The following CDC14A variants were observed in gnomAD, a reference collection of about 807,000 sequenced individuals.
CDC14A encodes the protein dual specificity protein phosphatase CDC14A.
In CDC14A, 53 loss-of-function variants were observed where a neutral mutation model predicts 74.4. The observed-to-expected ratio is 0.71, with a 90% CI of 0.57 to 0.89. The LOEUF is 0.89. CDC14A is among the 40% of genes least tolerant of loss of function. CDC14A has a pLI of 0.00. For synonymous variants in CDC14A, 247 were observed against 258.4 expected (o/e 0.96, Z 0.43); for missense variants, 646 against 713.7 (o/e 0.91, Z 1.08).
intron 3 of CDC14A, chr1:100,383,778 TTAA>T (rs1469620844): frequency 1.2e-4 from 19 of 152,258 alleles, no homozygotes; most frequent in African/African-American, 4.3e-4. Context: ...CCAGGCTGCA[TTAA>T]TGTCTTCCTT....
chr1:100,413,245 T>C (rs1182081702), intron 4 of CDC14A, among the ~76,000 whole-genome samples: 1 of 152,152 alleles, frequency 6.6e-6, no homozygotes, highest in Non-Finnish European at 1.5e-5. Flanking sequence ...ACAACTCTTG[T>C]AAATACTGGA....
At chr1:100,388,510 TTATTTC>T (rs1209141428) in intron 3 of CDC14A, among the ~76,000 whole-genome samples, 2 of 152,222 alleles carry the variant, frequency 1.3e-5, no homozygotes, top group Non-Finnish European at 2.9e-5. Flanking sequence ...TGTTCTCTCT[TTATTTC>T]ATAGGAGTAT....
chr1:100,429,391 A>G (rs1231419796), intron 5 of CDC14A, among the ~76,000 whole-genome samples: 1 of 151,864 alleles, frequency 6.6e-6, no homozygotes, highest in Non-Finnish European at 1.5e-5. Context: ...ATGTGCTGAC[A>G]GTAATGGAAT....
At chr1:100,376,077 T>G (rs1395413060) in intron 2 of CDC14A, among the ~76,000 whole-genome samples, 1 of 151,770 alleles carries the variant, frequency 6.6e-6, no homozygotes, top group African/African-American at 2.4e-5. Context: ...ATGTTCTCAC[T>G]CATAGGTGGG....
chr1:100,481,765 A>T (rs144362943), intron 10 of CDC14A, among the ~76,000 whole-genome samples: 20 of 152,312 alleles, frequency 1.3e-4, no homozygotes, highest in African/African-American at 4.8e-4. Flanking sequence ...AGTAAATTTC[A>T]TGCTGTCTTA....
At chr1:100,367,029 C>T (rs181635223) in intron 2 of CDC14A, among the ~76,000 whole-genome samples, 2 of 152,132 alleles carry the variant, frequency 1.3e-5, no homozygotes, top group African/African-American at 2.4e-5. Context: ...AAGTGGGGAC[C>T]CGTGCTTGGC....
At chr1:100,379,364 G>A (rs1356796883) in intron 3 of CDC14A, among the ~76,000 whole-genome samples, 1 of 152,152 alleles carries the variant, frequency 6.6e-6, no homozygotes, top group Non-Finnish European at 1.5e-5. Flanking sequence ...TAGTGGTAAG[G>A]TAATCTGTTG....
chr1:100,351,510 A>G (rs1448044736), upstream of CDC14A, among the ~76,000 whole-genome samples: 4 of 152,218 alleles, frequency 2.6e-5, no homozygotes, highest in Non-Finnish European at 5.9e-5. Context: ...AGACAAGTCA[A>G]TGGCCTCTTT....
At chr1:100,451,793 T>A (rs999513522) in intron 7 of CDC14A, among the ~76,000 whole-genome samples, 1 of 152,214 alleles carries the variant, frequency 6.6e-6, no homozygotes, top group Non-Finnish European at 1.5e-5. Context: ...AGGGTTGCTA[T>A]GAGAAGTAAG....
At chr1:100,400,148 C>G (rs654970) in intron 4 of CDC14A, among the ~76,000 whole-genome samples, 148,511 of 152,328 alleles carry the variant, frequency 0.97, 72,406 homozygotes, top group African/African-American at 0.99. Flanking sequence ...AAAGTGGTTA[C>G]AGTGTGTGTG....
chr1:100,412,698 A>C (rs535847184), intron 4 of CDC14A, among the ~76,000 whole-genome samples: 1 of 35,332 alleles, frequency 2.8e-5, no homozygotes, highest in Non-Finnish European at 5.3e-5. Flanking sequence ...TGTATGTTTT[A>C]TATATATATA....
In CDC14A at chr1:100,412,712, A is replaced by ATATTT. The variant is rs1553178952; in HGVS notation, c.310-11507_310-11506insTTTAT. Among the ~76,000 whole-genome samples, 196 of 102,416 alleles carry ATATTT rather than the reference A, an allele frequency of 1.9e-3. 15 individuals carry two copies. The highest frequency in any genetic ancestry group is 0.011 in the African/African-American group (182 of 16,330). 67.2% of individuals were successfully genotyped at this position (102,416 alleles called of 152,430 possible). A position where few individuals can be genotyped will look rare whatever the true frequency, so the allele number is the denominator to read the frequency against. ...CTGTATGTTTTATATATATATATATATATATATATATTTTATATATATATA... is the reference window on the plus strand; with the variant it reads ...CTGTATGTTTTATATATATATATATATATTTTATATATATATTTTATATATATATA... On this transcript the variant is annotated intron_variant, in intron 4 of 15. Transcript: ENST00000336454.
intron 10 of CDC14A, among the ~76,000 whole-genome samples, chr1:100,476,764 G>A (rs1668944790): frequency 6.6e-6 from 1 of 152,120 alleles, no homozygotes; most frequent in Non-Finnish European, 1.5e-5. Flanking sequence ...ATCTGCTGTG[G>A]CAGTCTGAAT....
intron 4 of CDC14A, among the ~76,000 whole-genome samples, chr1:100,392,632 T>A (rs766173231): frequency 6.6e-6 from 1 of 152,182 alleles, no homozygotes; most frequent in Non-Finnish European, 1.5e-5. Flanking sequence ...TGTTTGGTAA[T>A]CAAGAATGTG....
intron 15 of CDC14A, among the ~76,000 whole-genome samples, chr1:100,505,895 A>G (rs983610364): frequency 5.3e-5 from 8 of 152,160 alleles, no homozygotes; most frequent in Admixed American, 2.0e-4. Flanking sequence ...GAAGCTTACA[A>G]TCATGGTGGA....
At position 100,465,547 on chromosome 1, in the gene CDC14A, C is replaced by T. The variant is rs944698223; in HGVS notation, c.839-2409C>T. Among the ~76,000 whole-genome samples, 5 of 152,314 alleles carry T rather than the reference C, an allele frequency of 3.3e-5. No homozygotes were observed. In the East Asian group the frequency reaches 7.7e-4, roughly 24 times the overall value. ...TCTGGGAATTCAAGCAGCACTCAGT[C>T]TTTTAATTGAACTAAAAGAAGGAAG... On this transcript the variant is annotated intron_variant, in intron 9 of 15. Transcript: ENST00000336454.
At chr1:100,447,550 T>C (rs6704172) in intron 7 of CDC14A, among the ~76,000 whole-genome samples, 41,712 of 152,134 alleles carry the variant, frequency 0.27, 7,669 homozygotes, top group African/African-American at 0.52. Flanking sequence ...TCAAAGAATA[T>C]GTACCTTGAG....
intron 2 of CDC14A, among the ~76,000 whole-genome samples, chr1:100,364,502 C>A (rs895027034): frequency 6.6e-6 from 1 of 152,064 alleles, no homozygotes; most frequent in African/African-American, 2.4e-5. Flanking sequence ...GGAGCCGTTG[C>A]CCCCGGCCCT....
chr1:100,412,074 C>T (rs1482445728), intron 4 of CDC14A, among the ~76,000 whole-genome samples: 1 of 152,170 alleles, frequency 6.6e-6, no homozygotes, highest in Non-Finnish European at 1.5e-5. Context: ...AAAGTCTCTG[C>T]TAGGGCTTGT....
Sources: allele counts gnomAD v4.1 joint callset (sites outside exome capture counted in the v4.1 genomes callset), GRCh38; gene constraint gnomAD v4.1.1; transcripts MANE v1.5; gene names NCBI Gene and HGNC (gene_info 2026-07-23, HGNC 2026-07-21).